The following XIST variants were observed in gnomAD, a reference collection of about 807,000 sequenced individuals.
XIST encodes the protein X inactive specific transcript, also known as X inactive specific transcript (non-protein coding).
exon 6 of XIST, chrX:73,823,255 C>A (rs1187442013): frequency 3.9e-6 from 2 of 509,398 alleles, no homozygotes; most frequent in Non-Finnish European, 6.9e-6. Flanking sequence ...TTGGGGGATT[C>A]CTGAAACTAG....
chrX:73,850,225 G>A lies in XIST; in HGVS notation n.2499C>T, dbSNP rs748033463. The A allele has an allele frequency of 9.1e-6, 5 of 547,553 alleles. No homozygotes were observed. In the African/African-American group the frequency reaches 1.1e-4, roughly 12 times the overall value. The allele number at this position is 547,553 out of a possible 1,213,427, so 45.1% of individuals were successfully genotyped here. A position where few individuals can be genotyped will look rare whatever the true frequency, so the allele number is the denominator to read the frequency against. The stretch of plus-strand genomic sequence containing the variant: ...TAGTTAAGTCAATTTCAAAGAAAAT[G>A]ACCAGCACATTTTTAAAACATTAGA... On this transcript the variant is annotated non_coding_transcript_exon_variant, in exon 1 of 6. Coordinates refer to ENST00000429829, the Ensembl canonical transcript of XIST.
exon 1 of XIST, chrX:73,850,787 CT>C (rs1922916123): frequency 7.9e-6 from 4 of 503,788 alleles, no homozygotes; most frequent in Non-Finnish European, 1.4e-5. Context: ...TATACTTAGC[CT>C]TAGGTGAGGC....
In XIST at chrX:73,837,369, G is replaced by A. The variant is rs981911549; in HGVS notation, n.11406+71C>T. 25 of 432,010 alleles carry A rather than the reference G, an allele frequency of 5.8e-5. No homozygotes were observed. In the Middle Eastern group the frequency reaches 3.1e-3, roughly 54 times the overall value. The allele number at this position is 432,010 out of a possible 1,213,427, so 35.6% of individuals were successfully genotyped here. ...AATTCCAATAGAGAGACATTCTATAGAATACTGGACCATTAGTCCTCAAAA... is the reference window on the plus strand; with the variant it reads ...AATTCCAATAGAGAGACATTCTATAAAATACTGGACCATTAGTCCTCAAAA... On this transcript the variant is annotated intron_variant and non_coding_transcript_variant, in intron 2 of 5. Transcript: ENST00000429829.
exon 6 of XIST, chrX:73,825,569 G>C: frequency 1.9e-6 from 1 of 514,745 alleles, no homozygotes; most frequent in Non-Finnish European, 3.5e-6. Context: ...TACATCAGGG[G>C]GTGGTAAGCT....
intron 1 of XIST, among the ~76,000 whole-genome samples, chrX:73,840,056 T>C (rs180688331): frequency 1.1e-4 from 12 of 111,899 alleles, no homozygotes; most frequent in Admixed American, 5.8e-4. Context: ...ACATAAGTTA[T>C]ATAAAACACA....
exon 1 of XIST, chrX:73,843,889 G>A (rs1048669905): frequency 1.8e-6 from 1 of 557,864 alleles, no homozygotes; most frequent in Non-Finnish European, 3.2e-6. Flanking sequence ...AAGGTGATGG[G>A]GTATGACCTT....
At chrX:73,839,151 C>A (rs1922542409) in intron 1 of XIST, among the ~76,000 whole-genome samples, 1 of 111,480 alleles carries the variant, frequency 9.0e-6, no homozygotes, top group Admixed American at 9.6e-5. Flanking sequence ...AATCAGGGCA[C>A]AAACACCCTG....
At chrX:73,831,010 G>T (rs779429808) in intron 4 of XIST, 4 of 527,122 alleles carry the variant, frequency 7.6e-6, no homozygotes, top group East Asian at 6.7e-5. Flanking sequence ...ATGTATACTG[G>T]AAAACAAAAT....
intron 1 of XIST, among the ~76,000 whole-genome samples, chrX:73,838,970 G>A (rs1405195990): frequency 2.7e-5 from 3 of 111,801 alleles, no homozygotes; most frequent in Non-Finnish European, 5.7e-5. Context: ...TTTGGGGGAA[G>A]AGAAGAGGCA....
chrX:73,843,719 T>C, exon 1 of XIST: 1 of 558,446 alleles, frequency 1.8e-6, no homozygotes, highest in Non-Finnish European at 3.2e-6. Context: ...ACATTCCAAG[T>C]GACAGTCTTG....
At chrX:73,822,095 T>C (rs375971055) in exon 6 of XIST, 15 of 557,140 alleles carry the variant, frequency 2.7e-5, no homozygotes, top group African/African-American at 2.0e-4. Flanking sequence ...TCAAAACCAA[T>C]TGTGGCTCAA....
exon 6 of XIST, chrX:73,827,923 G>A (rs1922300154): frequency 1.9e-6 from 1 of 525,064 alleles, no homozygotes; most frequent in African/African-American, 2.3e-5. Context: ...AAATGGGTAA[G>A]ACACACTTTA....
chrX:73,844,871 TG>T (rs1569512415), exon 1 of XIST: 3 of 556,628 alleles, frequency 5.4e-6, no homozygotes, highest in Non-Finnish European at 9.7e-6. Context: ...GCACCTTGAC[TG>T]TCCAAATGTA....
chrX:73,850,057 G>C (rs765198789), exon 1 of XIST: 2 of 556,971 alleles, frequency 3.6e-6, no homozygotes, highest in East Asian at 6.5e-5. Context: ...CTGATAAGTA[G>C]GTGATTAGTC....
rs1236449400 is a variant in XIST at position 73,846,046 on chromosome X, T to C, written n.6678A>G. 6 of 554,776 alleles carry C rather than the reference T, an allele frequency of 1.1e-5. No individual in the cohort carries two copies. The African/African-American group carries it at 1.1e-4, about 11-fold the overall frequency. 45.7% of individuals were successfully genotyped at this position (554,776 alleles called of 1,213,427 possible). A position where few individuals can be genotyped will look rare whatever the true frequency, so the allele number is the denominator to read the frequency against. Reference sequence around the variant, plus strand: ...CACTTACAACTGTGCACCTTGATTGTCCAAACGTAAGCGTCTTATGGAGAG... The same window carrying C: ...CACTTACAACTGTGCACCTTGATTGCCCAAACGTAAGCGTCTTATGGAGAG... On this transcript the variant is annotated non_coding_transcript_exon_variant, in exon 1 of 6. Coordinates refer to ENST00000429829, the Ensembl canonical transcript of XIST.
chrX:73,822,490 G>C, exon 6 of XIST: 1 of 513,863 alleles, frequency 1.9e-6, no homozygotes, highest in East Asian at 3.6e-5. Context: ...ATTGGCACCC[G>C]AATATATTTG....
At chrX:73,821,377 A>G (rs754408123) in exon 6 of XIST, 8 of 555,740 alleles carry the variant, frequency 1.4e-5, no homozygotes, top group Non-Finnish European at 2.0e-5. Flanking sequence ...TTTGAAGCAT[A>G]TTTTGGCTTC....
exon 6 of XIST, chrX:73,822,532 C>T (rs750536906): frequency 1.9e-6 from 1 of 513,279 alleles, no homozygotes; most frequent in South Asian, 2.5e-5. Flanking sequence ...AAAAAATAAA[C>T]AGTAACCTTT....
exon 1 of XIST, chrX:73,841,974 C>T: frequency 1.8e-6 from 1 of 541,308 alleles, no homozygotes; most frequent in South Asian, 2.4e-5. Flanking sequence ...CACAAAGATA[C>T]TGGTCTTAAG....
Sources: gnomAD v4.1 joint callset for allele counts (sites outside exome capture counted in the v4.1 genomes callset) on GRCh38, gnomAD v4.1.1 for gene constraint, MANE v1.5 for transcripts, NCBI Gene and HGNC (gene_info 2026-07-23, HGNC 2026-07-21) for gene names.